MCF2: variants seen among roughly 807,000 people sequenced by gnomAD.
MCF2 encodes the protein MCF.2 cell line derived transforming sequence.
Under a neutral mutation model 82.5 loss-of-function variants are expected in MCF2, and 44 were observed. That is an observed-to-expected ratio of 0.53 (90% CI 0.42 to 0.69). The LOEUF is 0.69. Among genes scored for constraint, MCF2 ranks in the 30% least tolerant of loss-of-function variants. The pLI is 0.00. For synonymous variants in MCF2, 217 were observed against 224.9 expected (o/e 0.96, Z 0.32); for missense variants, 623 against 663.1 (o/e 0.94, Z 0.66).
intron 2 of MCF2, among the ~76,000 whole-genome samples, chrX:139,650,094 C>A (rs892353813): frequency 9.9e-5 from 11 of 111,316 alleles, no homozygotes; most frequent in African/African-American, 3.6e-4. Flanking sequence ...ACGGCTCATG[C>A]CTGTAATCAC....
intron 1 of MCF2, among the ~76,000 whole-genome samples, chrX:139,660,589 T>C (rs1404271233): frequency 8.9e-6 from 1 of 112,265 alleles, no homozygotes; most frequent in Non-Finnish European, 1.9e-5. Context: ...AACTGAAATG[T>C]TGTCTTGACA....
intron 13 of MCF2, 81 bp downstream of exon 17, chrX:139,605,632 A>G: frequency 1.2e-6 from 1 of 835,170 alleles, no homozygotes; most frequent in Non-Finnish European, 1.7e-6. Flanking sequence ...GAAGTAGAAG[A>G]TTGCCCCTAA....
chrX:139,643,608 C>T (rs1425552058), upstream of MCF2, among the ~76,000 whole-genome samples: 7 of 110,807 alleles, frequency 6.3e-5, no homozygotes, highest in Non-Finnish European at 1.3e-4. Context: ...ATCAATTTGG[C>T]AGTTATGAAA....
At chrX:139,642,318 A>G (rs891025841) in intron 1 of MCF2, 5 of 783,995 alleles carry the variant, frequency 6.4e-6, no homozygotes, top group Admixed American at 2.2e-5. Flanking sequence ...CAGTAATCAC[A>G]TCAATGCAAT....
At chrX:139,697,965 C>A (rs1167079878) in intron 1 of MCF2, among the ~76,000 whole-genome samples, 2 of 111,120 alleles carry the variant, frequency 1.8e-5, no homozygotes, top group African/African-American at 6.6e-5. Context: ...CAAAGGGAGA[C>A]CCTGTCTCTA....
At chrX:139,602,312 G>T in intron 16 of MCF2, 94 bp downstream of exon 20, 2 of 691,303 alleles carry the variant, frequency 2.9e-6, no homozygotes, top group Non-Finnish European at 4.6e-6. Flanking sequence ...ATATGCACAT[G>T]TAACGTACTT....
chrX:139,650,683 A>T (rs1363342250), intron 2 of MCF2, among the ~76,000 whole-genome samples: 1 of 112,152 alleles, frequency 8.9e-6, no homozygotes, highest in East Asian at 2.8e-4. Context: ...GTCTGACCAG[A>T]AGCTAAAGGG....
intron 1 of MCF2, among the ~76,000 whole-genome samples, chrX:139,665,347 C>A (rs893636964): frequency 8.9e-6 from 1 of 111,983 alleles, no homozygotes; most frequent in Non-Finnish European, 1.9e-5. Context: ...GTTCCTACTG[C>A]TGATATGGGT....
chrX:139,662,243 T>A (rs937876881), intron 1 of MCF2, among the ~76,000 whole-genome samples: 2 of 111,749 alleles, frequency 1.8e-5, no homozygotes, highest in African/African-American at 6.6e-5. Flanking sequence ...TCCATGTTCA[T>A]ATCTTGGAAT....
chrX:139,621,949 A>T (rs1380865334), intron 6 of MCF2, among the ~76,000 whole-genome samples: 1 of 111,490 alleles, frequency 9.0e-6, no homozygotes, highest in East Asian at 2.8e-4. Context: ...GGCAACCTAC[A>T]GAATGGGAGA....
chrX:139,669,771 C>T (rs929981698), intron 1 of MCF2, among the ~76,000 whole-genome samples: 1 of 111,723 alleles, frequency 9.0e-6, no homozygotes, highest in East Asian at 2.8e-4. Context: ...GAAAAAAACA[C>T]GCTAAGTGAA....
intron 13 of MCF2, among the ~76,000 whole-genome samples, chrX:139,605,204 T>C (rs1314072863): frequency 9.2e-6 from 1 of 108,517 alleles, no homozygotes; most frequent in Non-Finnish European, 1.9e-5. Flanking sequence ...GGAAGTCAAG[T>C]TTTCCAATCA....
In MCF2 at chrX:139,613,266, G is replaced by A. The variant is rs1367373091; in HGVS notation, c.1363+1615C>T. On this transcript the variant is annotated intron_variant, in intron 10 of 24. Transcript: ENST00000370576. The stretch of plus-strand genomic sequence containing the variant: ...AAAGAAAGAGTATCCAACTCCCACT[G>A]CAGAAGGAAATTGTAACGCCATTAA... The A allele has an allele frequency of 1.8e-6, 2 of 1,140,788 alleles. No homozygotes were observed. Among genetic ancestry groups the A allele is most frequent in the African/African-American group, 3.6e-5 (2 of 55,633 alleles). The allele number at this position is 1,140,788 out of a possible 1,213,427, so 94.0% of individuals were successfully genotyped here.
intron 1 of MCF2, among the ~76,000 whole-genome samples, chrX:139,690,255 T>C (rs1935226401): frequency 9.2e-6 from 1 of 108,226 alleles, no homozygotes; most frequent in South Asian, 4.0e-4. Context: ...ATAAGAGAAA[T>C]CACTAGCAGC....
At chrX:139,675,445 C>T (rs1341884209) in intron 1 of MCF2, among the ~76,000 whole-genome samples, 1 of 112,453 alleles carries the variant, frequency 8.9e-6, no homozygotes, top group African/African-American at 3.2e-5. Context: ...GTTTTATCTA[C>T]CTTTAGTCTT....
chrX:139,605,012 T>A, intron 13 of MCF2, 28 bp from the exon 18 acceptor site: 1 of 832,107 alleles, frequency 1.2e-6, no homozygotes, highest in Non-Finnish European at 1.7e-6. Context: ...ATTCATGCAT[T>A]TTAAAATAAT....
At position 139,584,262 on chromosome X, in the gene MCF2, A is replaced by G. The variant is rs1603270816; in HGVS notation, c.2745+804T>C. ...GCGATTCTCCTGCCTCAGCCTCCTG[A>G]ATAGCTGGGATTACAGGCATGCGCC... On this transcript the variant is annotated intron_variant, in intron 24 of 24. Transcript: ENST00000370576. Among the ~76,000 whole-genome samples, 3 of 108,368 alleles carry G rather than the reference A, an allele frequency of 2.8e-5. No homozygotes were observed. The South Asian group carries it at 1.2e-3, about 45-fold the overall frequency. The allele number at this position is 108,368 out of a possible 115,157, so 94.1% of individuals were successfully genotyped here.
Position 139,607,686 on chromosome X carries a change from G to A in MCF2, c.1490+5C>T, listed in dbSNP as rs745744526. On this transcript the variant is annotated splice_donor_5th_base_variant and intron_variant, in intron 12 of 24. Coordinates refer to ENST00000370576, the Ensembl canonical transcript of MCF2. ...TGTGAGTTTATATTAATAAATAAAG[G>A]ATACTTCTTTAAAACATCCAAGCTA... 4.3e-6 allele frequency: 5 copies of A among 1,163,041 alleles called. No homozygotes were observed. In the East Asian group the frequency reaches 1.2e-4, roughly 28 times the overall value.
At chrX:139,642,693 A>G in exon 1 of MCF2, 1 of 1,096,909 alleles carries the variant, frequency 9.1e-7, no homozygotes, top group Non-Finnish European at 1.2e-6. Flanking sequence ...AAAAAAAAAA[A>G]AAAACCACTA....
Sources: gnomAD v4.1 joint callset for allele counts (sites outside exome capture counted in the v4.1 genomes callset) on GRCh38, gnomAD v4.1.1 for gene constraint, MANE v1.5 for transcripts, NCBI Gene and HGNC (gene_info 2026-07-23, HGNC 2026-07-21) for gene names.